PEMT: variants seen among roughly 807,000 people sequenced by gnomAD.
PEMT encodes phosphatidylethanolamine N-methyltransferase.
PEMT carries 23 observed loss-of-function variants against 27.4 expected under a neutral mutation model. The ratio of observed to expected loss-of-function variants is 0.84; its 90% confidence interval spans 0.60 to 1.19. The LOEUF (loss-of-function observed/expected upper bound fraction) is 1.19. Among genes scored for constraint, PEMT ranks in the 50% most tolerant of loss-of-function variants. The pLI is 0.00. For missense variants in PEMT, 307 were observed against 310.1 expected, an observed-to-expected ratio of 0.99 and a Z score of 0.07; for synonymous variants, 137 against 139.1, an observed-to-expected ratio of 0.98 and a Z score of 0.11.
chr17:17,512,003 C>T lies in PEMT; in HGVS notation c.466+506G>A, dbSNP rs1348290477. 6.6e-6 allele frequency among the ~76,000 whole-genome samples: 1 copy of T among 151,150 alleles called. No homozygotes were observed. Among genetic ancestry groups the T allele is most frequent in the African/African-American group, 2.4e-5 (1 of 41,036 alleles). On this transcript the variant is annotated intron_variant, in intron 4 of 6. Transcript: ENST00000255389. This position sits in a 1 kb window ranked among gnomAD's most constrained non-coding sequence, Gnocchi z 6.3. ...GAAGGGATAAGGTGCCTCCACCCCT[C>T]ACCCCTCCCCAGACCTACACCAGCC...
chr17:17,552,311 CA>C (rs796265123), intron 2 of PEMT, among the ~76,000 whole-genome samples: 96 of 141,974 alleles, frequency 6.8e-4, no homozygotes, highest in Admixed American at 7.0e-4. Flanking sequence ...GACTCTGACT[CA>C]AAAAAAAAAA....
chr17:17,544,806 A>C (rs1909137641), intron 2 of PEMT, among the ~76,000 whole-genome samples: 1 of 152,202 alleles, frequency 6.6e-6, no homozygotes, highest in Non-Finnish European at 1.5e-5. Context: ...TCCCTGCTGA[A>C]CCAGGACCAT....
chr17:17,536,694 A>G lies in PEMT; in HGVS notation c.205-14299T>C, dbSNP rs147796443. ...CCTTCCTCACCCAGTGGGAAAGTCA[A>G]TGGTGTTCCTCTCATGAGGGCCTGC... On this transcript the variant is annotated intron_variant, in intron 2 of 6. Coordinates refer to ENST00000255389, the MANE Select transcript of PEMT (RefSeq NM_148172.3). 1.8e-3 allele frequency among the ~76,000 whole-genome samples: 278 copies of G among 152,266 alleles called. 2 individuals are homozygous for G. The highest frequency in any genetic ancestry group is 5.1e-3 in the Admixed American group (78 of 15,298).
intron 2 of PEMT, among the ~76,000 whole-genome samples, chr17:17,542,391 C>G (rs1908955356): frequency 6.6e-6 from 1 of 152,206 alleles, no homozygotes; most frequent in Non-Finnish European, 1.5e-5. Flanking sequence ...TGGGGACTGG[C>G]TTGGGATAGA....
At chr17:17,541,415 G>A (rs1037832744) in intron 2 of PEMT, among the ~76,000 whole-genome samples, 4 of 152,328 alleles carry the variant, frequency 2.6e-5, no homozygotes, top group East Asian at 3.9e-4. Context: ...ACCGTGGCCC[G>A]CAGCACCTGT....
At chr17:17,570,210 G>A (rs903078972) in intron 2 of PEMT, among the ~76,000 whole-genome samples, 3 of 152,200 alleles carry the variant, frequency 2.0e-5, no homozygotes, top group African/African-American at 7.2e-5. Context: ...GCTGCCACCC[G>A]GAGCACTGCA....
intron 1 of PEMT, among the ~76,000 whole-genome samples, chr17:17,586,288 G>GAAAGAAAGA (rs1555546133): frequency 6.2e-4 from 45 of 72,040 alleles, no homozygotes; most frequent in East Asian, 2.3e-3. Context: ...AAGAAAGAAA[G>GAAAGAAAGA]AAAAAAAAAA....
At chr17:17,574,388 C>T (rs1911436567) in intron 2 of PEMT, among the ~76,000 whole-genome samples, 2 of 147,856 alleles carry the variant, frequency 1.4e-5, no homozygotes. Flanking sequence ...GGTGCCATCT[C>T]GGCTCACTGC....
chr17:17,527,358 T>C (rs1401115083), intron 2 of PEMT, among the ~76,000 whole-genome samples: 1 of 152,212 alleles, frequency 6.6e-6, no homozygotes, highest in East Asian at 1.9e-4. Context: ...TTTAAATCCC[T>C]CTTTGAAGTG....
At chr17:17,528,509 C>T (rs894248349) in intron 2 of PEMT, among the ~76,000 whole-genome samples, 10 of 152,254 alleles carry the variant, frequency 6.6e-5, no homozygotes, top group African/African-American at 1.2e-4. Flanking sequence ...CTCTTTCCCT[C>T]GCCTTGCAGG....
In PEMT at chr17:17,530,332, C is replaced by T. The variant is rs148177302; in HGVS notation, c.205-7937G>A. Among the ~76,000 whole-genome samples the T allele has an allele frequency of 4.2e-3, 633 of 152,162 alleles. 4 individuals are homozygous for T. The highest frequency in any genetic ancestry group is 0.014 in the African/African-American group (588 of 41,518). ...CCAACATGGTGAAACCCCGTCTCTA[C>T]GAAAATACAAAAATTAGCCGGGCAT... On this transcript the variant is annotated intron_variant, in intron 2 of 6. Coordinates refer to ENST00000255389, the MANE Select transcript of PEMT (RefSeq NM_148172.3).
At chr17:17,510,612 G>A (rs1206606505) in intron 4 of PEMT, among the ~76,000 whole-genome samples, 2 of 152,186 alleles carry the variant, frequency 1.3e-5, no homozygotes, top group African/African-American at 2.4e-5. Context: ...AACCCAATTC[G>A]AGCTGAGTCA....
At chr17:17,544,225 C>A (rs1373670454) in intron 2 of PEMT, among the ~76,000 whole-genome samples, 1 of 151,964 alleles carries the variant, frequency 6.6e-6, no homozygotes, top group East Asian at 1.9e-4. Context: ...CAGTGAGTAA[C>A]TGGCCCAAAG....
intron 2 of PEMT, among the ~76,000 whole-genome samples, chr17:17,564,259 C>T (rs1567730780): frequency 6.6e-6 from 1 of 152,204 alleles, no homozygotes. Context: ...TACCTGCCCA[C>T]ATTCCACTCC....
chr17:17,561,507 C>T lies in PEMT; in HGVS notation c.204+15413G>A, dbSNP rs539821361. Among the ~76,000 whole-genome samples the T allele has an allele frequency of 3.2e-4, 48 of 152,268 alleles. No individual in the cohort carries two copies. The highest frequency in any genetic ancestry group is 8.9e-4 in the African/African-American group (37 of 41,546). On this transcript the variant is annotated intron_variant, in intron 2 of 6. Coordinates refer to ENST00000255389, the MANE Select transcript of PEMT (RefSeq NM_148172.3). The surrounding 1 kb of genome is among the most constrained non-coding windows in gnomAD (Gnocchi z 4.5). The stretch of plus-strand genomic sequence containing the variant: ...GGTGGCTGCCCGAGGGGGAAGCGGA[C>T]GGTAAGGCTGGAGGTAGGAAGAGGG...
At chr17:17,557,771 A>G (rs2142676967) in intron 2 of PEMT, among the ~76,000 whole-genome samples, 1 of 152,324 alleles carries the variant, frequency 6.6e-6, no homozygotes, top group Non-Finnish European at 1.5e-5. Flanking sequence ...TTCCATGTAG[A>G]GCCAGGCGTC....
Position 17,577,012 on chromosome 17 carries a change from T to C in PEMT, c.112A>G (p.Met38Val). The C allele has an allele frequency of 6.2e-7, 1 of 1,613,684 alleles. No individual in the cohort carries two copies. Among genetic ancestry groups the C allele is most frequent in the Non-Finnish European group, 8.5e-7 (1 of 1,179,870 alleles). Residue 38 changes from methionine to valine, a missense_variant, in exon 2 of 7, where the codon ATG becomes GTG. Transcript: ENST00000255389. Reference sequence around the variant, plus strand: ...TCCACGTAGCCCAGCAGCCGGGTCATAACGCAGAAGTCTGCCTGCAGGGAC... The same window carrying C: ...TCCACGTAGCCCAGCAGCCGGGTCACAACGCAGAAGTCTGCCTGCAGGGAC... ...IDFRQADFCVMTRLLGYVDPL... is the reference protein window; with the variant it reads ...IDFRQADFCVVTRLLGYVDPL...
intron 2 of PEMT, among the ~76,000 whole-genome samples, chr17:17,544,654 G>C (rs1030705378): frequency 2.0e-5 from 3 of 152,128 alleles, no homozygotes; most frequent in Admixed American, 2.0e-4. Flanking sequence ...TGACGGGCAG[G>C]GGCTGGCACA....
intron 2 of PEMT, among the ~76,000 whole-genome samples, chr17:17,547,474 G>A (rs940719378): frequency 2.0e-5 from 3 of 152,270 alleles, no homozygotes; most frequent in Admixed American, 2.0e-4. Context: ...AGCGAGGGCA[G>A]TCAGGGAGGT....
Sources: allele counts gnomAD v4.1 joint callset (sites outside exome capture counted in the v4.1 genomes callset), GRCh38; gene constraint gnomAD v4.1.1; non-coding constraint Gnocchi (gnomAD v3.1); transcripts MANE v1.5; gene names NCBI Gene and HGNC (gene_info 2026-07-23, HGNC 2026-07-21).